EGFR: variants seen among roughly 807,000 people sequenced by gnomAD.
The protein encoded by EGFR is avian erythroblastic leukemia viral (v-erb-b) oncogene homolog.
A neutral mutation model predicts 143.0 loss-of-function variants in EGFR; 58 were observed. The observed-to-expected ratio is 0.41, with a 90% CI of 0.33 to 0.50. EGFR has a LOEUF of 0.50. Among genes scored for constraint, EGFR ranks in the 20% least tolerant of loss-of-function variants. The pLI is 0.39. For synonymous variants in EGFR, 613 were observed against 594.4 expected (o/e 1.03, Z -0.45); for missense variants, 1,307 against 1,579.0 (o/e 0.83, Z 2.92).
chr7:55,043,674 T>G (rs982787745), intron 1 of EGFR, among the ~76,000 whole-genome samples: 1 of 152,196 alleles, frequency 6.6e-6, no homozygotes, highest in Non-Finnish European at 1.5e-5. Context: ...TAACATTCTT[T>G]AATGCATAGG....
intron 1 of EGFR, among the ~76,000 whole-genome samples, chr7:55,101,574 G>A (rs1239668278): frequency 1.3e-5 from 2 of 152,120 alleles, no homozygotes; most frequent in African/African-American, 4.8e-5. Context: ...GAAACTTGCC[G>A]CACATGCTGC....
At chr7:55,198,590 C>A in intron 22 of EGFR, 127 bp from the exon 23 acceptor site, 1 of 1,458,382 alleles carries the variant, frequency 6.9e-7, no homozygotes, top group Non-Finnish European at 9.5e-7. Flanking sequence ...AAGCAAATTG[C>A]CCAAGACTAC....
At chr7:55,108,459 C>G (rs781697581) in intron 1 of EGFR, among the ~76,000 whole-genome samples, 3 of 152,166 alleles carry the variant, frequency 2.0e-5, no homozygotes, top group Non-Finnish European at 4.4e-5. Context: ...TTTTTAGGTA[C>G]TTGAGTGAGT....
At chr7:55,084,452 T>C (rs1268298222) in intron 1 of EGFR, among the ~76,000 whole-genome samples, 1 of 152,238 alleles carries the variant, frequency 6.6e-6, no homozygotes, top group Non-Finnish European at 1.5e-5. Flanking sequence ...CAGGATAACT[T>C]CATTTTGTAT....
chr7:55,049,587 T>G (rs1788367487), intron 1 of EGFR, among the ~76,000 whole-genome samples: 1 of 152,072 alleles, frequency 6.6e-6, no homozygotes, highest in Non-Finnish European at 1.5e-5. Context: ...TCTTCTCTCC[T>G]CCTCCTCCCA....
intron 1 of EGFR, among the ~76,000 whole-genome samples, chr7:55,024,488 G>C (rs1786767282): frequency 6.6e-6 from 1 of 152,100 alleles, no homozygotes; most frequent in Non-Finnish European, 1.5e-5. Flanking sequence ...ATTAACAAAA[G>C]ACTCAAGTTA....
In EGFR at chr7:55,137,630, G is replaced by A. The variant is rs568648182; in HGVS notation, c.89-4656G>A. Among the ~76,000 whole-genome samples the A allele has an allele frequency of 1.5e-3, 226 of 152,302 alleles. 1 individual carries two copies. The highest frequency in any genetic ancestry group is 5.1e-3 in the African/African-American group (213 of 41,550). ...CCAACAAGAATGCACAGATAACTTC[G>A]TATATCCACTTTCCTGAACCTGCCC... On this transcript the variant is annotated intron_variant, in intron 1 of 27. Transcript: ENST00000275493.
chr7:55,154,349 G>T (rs1160799979), intron 7 of EGFR, among the ~76,000 whole-genome samples, 197 bp downstream of exon 7: 1 of 152,224 alleles, frequency 6.6e-6, no homozygotes, highest in African/African-American at 2.4e-5. Context: ...CGGGCAGGTG[G>T]TGGCCATCTC....
chr7:55,019,061 CG>C lies in EGFR; in HGVS notation c.-216del, dbSNP rs1305048229. ...GGCGCAGCGCGGCCGCAGCAGCCTC[CG>C]CCCCCCGCACGGTGTGAGCGCCCGA... On this transcript the variant is annotated 5_prime_UTR_variant, in exon 1 of 28. Transcript: ENST00000275493. 2.3e-5 allele frequency: 6 copies of C among 265,950 alleles called. No individual in the cohort carries two copies. Among genetic ancestry groups the C allele is most frequent in the Non-Finnish European group, 3.5e-5 (5 of 144,144 alleles). The allele number at this position is 265,950 out of a possible 1,614,324, so 16.5% of individuals were successfully genotyped here. A position where few individuals can be genotyped will look rare whatever the true frequency, so the allele number is the denominator to read the frequency against.
chr7:55,041,977 C>T (rs142541824), intron 1 of EGFR, among the ~76,000 whole-genome samples: 1 of 152,148 alleles, frequency 6.6e-6, no homozygotes, highest in Non-Finnish European at 1.5e-5. Flanking sequence ...CATTCACCAG[C>T]ACCAAAAAGC....
At chr7:55,179,735 C>T (rs1490449265) in intron 19 of EGFR, 3 of 152,162 alleles carry the variant, frequency 2.0e-5, no homozygotes, top group African/African-American at 2.4e-5. Flanking sequence ...CAATGAAAAA[C>T]GTTGGGGAAA....
chr7:55,094,916 TA>T (rs1277447090), intron 1 of EGFR, among the ~76,000 whole-genome samples: 1 of 152,202 alleles, frequency 6.6e-6, no homozygotes, highest in African/African-American at 2.4e-5. Flanking sequence ...CCTTGGCAGT[TA>T]GGCCCCAGTG....
chr7:55,072,643 G>GT (rs1789901401), intron 1 of EGFR, among the ~76,000 whole-genome samples: 1 of 152,146 alleles, frequency 6.6e-6, no homozygotes, highest in Non-Finnish European at 1.5e-5. Flanking sequence ...CCACTAATAG[G>GT]ACCAACAGTG....
intron 1 of EGFR, among the ~76,000 whole-genome samples, chr7:55,071,595 C>T (rs1259713129): frequency 6.6e-6 from 1 of 152,380 alleles, no homozygotes; most frequent in East Asian, 1.9e-4. Flanking sequence ...TCATCCCTTT[C>T]AGAGCATGGG....
At chr7:55,020,377 AG>A (rs1003187434) in intron 1 of EGFR, among the ~76,000 whole-genome samples, 2 of 152,116 alleles carry the variant, frequency 1.3e-5, no homozygotes, top group Non-Finnish European at 2.9e-5. Flanking sequence ...CGGCCACTGC[AG>A]GGGGGGATCG....
Position 55,125,603 on chromosome 7 carries a change from G to A in EGFR, c.89-16683G>A, listed in dbSNP as rs184368732. The stretch of plus-strand genomic sequence containing the variant: ...AAGAAGTTATGTAATTAAACTGTCT[G>A]TTTTGAGAAAATTGTAGATTCACAC... On this transcript the variant is annotated intron_variant, in intron 1 of 27. Coordinates refer to ENST00000275493, the MANE Select transcript of EGFR (RefSeq NM_005228.5). Among the ~76,000 whole-genome samples, 811 of 152,342 alleles carry A rather than the reference G, an allele frequency of 5.3e-3. 7 individuals carry two copies. The highest frequency in any genetic ancestry group is 0.031 in the South Asian group (151 of 4,826).
intron 1 of EGFR, among the ~76,000 whole-genome samples, chr7:55,113,313 A>G (rs1450909032): frequency 6.6e-6 from 1 of 152,236 alleles, no homozygotes; most frequent in Non-Finnish European, 1.5e-5. Context: ...CCTGCTACAC[A>G]GTACGCTTTC....
chr7:55,108,774 T>C (rs926078645), intron 1 of EGFR, among the ~76,000 whole-genome samples: 1 of 152,188 alleles, frequency 6.6e-6, no homozygotes. Context: ...CGATTTAATC[T>C]GTAGGACTCC....
rs543664023 is a variant in EGFR, at chr7:55,047,440, C to T, written c.88+28075C>T. On this transcript the variant is annotated intron_variant, in intron 1 of 27. Coordinates refer to ENST00000275493, the MANE Select transcript of EGFR (RefSeq NM_005228.5). ...AACATATTGTGTGTACTTGATCTGG[C>T]CTGCTGCTTTTAAAAGATTAAAACT... Among the ~76,000 whole-genome samples, 94 of 152,322 alleles carry T rather than the reference C, an allele frequency of 6.2e-4. 1 individual carries two copies. Among genetic ancestry groups the T allele is most frequent in the African/African-American group, 2.3e-3 (94 of 41,570 alleles).
Sources: allele counts gnomAD v4.1 joint callset (sites outside exome capture counted in the v4.1 genomes callset), GRCh38; gene constraint gnomAD v4.1.1; transcripts MANE v1.5; gene names NCBI Gene and HGNC (gene_info 2026-07-23, HGNC 2026-07-21).